CCDC90B: variants seen among roughly 807,000 people sequenced by gnomAD.
CCDC90B encodes the protein coiled-coil domain containing 90B, also known as coiled-coil domain-containing protein 90B, mitochondrial.
CCDC90B carries 24 observed loss-of-function variants against 37.0 expected under a neutral mutation model. The observed-to-expected ratio is 0.65, with a 90% CI of 0.47 to 0.91. The LOEUF is 0.91. CCDC90B is among the 40% of genes least tolerant of loss of function. The pLI, the probability that CCDC90B is intolerant of heterozygous loss-of-function variation, is 0.00. For missense variants in CCDC90B, 319 were observed against 299.0 expected, an observed-to-expected ratio of 1.07 and a Z score of -0.49; for synonymous variants, 113 against 101.1, an observed-to-expected ratio of 1.12 and a Z score of -0.71.
At chr11:83,265,769 G>T in intron 8 of CCDC90B, 96 bp downstream of exon 8, 1 of 708,486 alleles carries the variant, frequency 1.4e-6, no homozygotes, top group South Asian at 1.8e-5. Flanking sequence ...TTGTTATCTA[G>T]CTCCTCCTTT....
At chr11:83,282,169 A>G (rs1298636567) in intron 1 of CCDC90B, among the ~76,000 whole-genome samples, 4 of 152,144 alleles carry the variant, frequency 2.6e-5, no homozygotes, top group African/African-American at 9.7e-5. Flanking sequence ...AAACCCAAAA[A>G]CCCTGGCAAT....
intron 1 of CCDC90B, among the ~76,000 whole-genome samples, chr11:83,284,716 T>G (rs188782472): frequency 6.6e-6 from 1 of 152,262 alleles, no homozygotes; most frequent in Admixed American, 6.5e-5. Context: ...GTGGGATAAC[T>G]TTTATGTTAA....
intron 7 of CCDC90B, among the ~76,000 whole-genome samples, chr11:83,272,265 A>T (rs111460592): frequency 0.012 from 1,787 of 152,214 alleles, 35 homozygotes; most frequent in African/African-American, 0.041. Flanking sequence ...ATTTTTTTTT[A>T]AAAACACTAT....
Position 83,261,176 on chromosome 11 carries a change from C to G in CCDC90B, c.*735G>C, listed in dbSNP as rs1352484846. On this transcript the variant is annotated 3_prime_UTR_variant, in exon 9 of 9. Coordinates refer to ENST00000529689, the MANE Select transcript of CCDC90B (RefSeq NM_021825.5). ...CTATCTCGGCTCACTGCAAGATTCT[C>G]CTGCCTCAGCCTCCCGAGTAGCTGG... 6.6e-6 allele frequency: 1 copy of G among 152,188 alleles called. No individual in the cohort carries two copies. Among genetic ancestry groups the G allele is most frequent in the African/African-American group, 2.4e-5 (1 of 41,424 alleles). The allele number at this position is 152,188 out of a possible 1,614,324, so 9.4% of individuals were successfully genotyped here.
intron 7 of CCDC90B, among the ~76,000 whole-genome samples, chr11:83,270,329 G>C (rs760018526): frequency 3.4e-4 from 51 of 151,972 alleles, no homozygotes; most frequent in African/African-American, 2.4e-4. Flanking sequence ...AGAAATAAAG[G>C]GTATTCAATT....
At position 83,280,143 on chromosome 11, in the gene CCDC90B, T is replaced by C; in HGVS notation, c.218A>G (p.His73Arg). 6.2e-7 allele frequency: 1 copy of C among 1,609,860 alleles called. No homozygotes were observed. Among genetic ancestry groups the C allele is most frequent in the East Asian group, 2.2e-5 (1 of 44,762 alleles). The change falls in exon 2 of 9, where the codon CAT (histidine) becomes CGT (arginine). Residue 73 changes from histidine to arginine, a missense_variant and splice_region_variant. Coordinates refer to ENST00000529689, the MANE Select transcript of CCDC90B (RefSeq NM_021825.5). ...CAGGAGGTATCCATGTTTCTCACCA[T>C]GAGTTTCCAAGTCCTGAACCAATGC... ...THALVQDLET[H>R]GFDKTQAETI...
chr11:83,278,923 T>C, intron 2 of CCDC90B, 94 bp from the exon 3 acceptor site: 1 of 662,010 alleles, frequency 1.5e-6, no homozygotes, highest in East Asian at 2.8e-5. Flanking sequence ...TAAATTGTTA[T>C]ACTCTTTTAA....
At position 83,280,172 on chromosome 11, in the gene CCDC90B, G is replaced by T; in HGVS notation, c.189C>A (p.Thr63=). The stretch of plus-strand genomic sequence containing the variant: ...TTTCCAAGTCCTGAACCAATGCATG[G>T]GTATCAAAAGTTAATTTCCTTTGTT... ...PLEQRKLTFD[T]HALVQDLETH... The change falls in exon 2 of 9, where the codon ACC becomes ACA. Residue 63 remains threonine, a synonymous_variant. Transcript: ENST00000529689. The T allele has an allele frequency of 6.2e-7, 1 of 1,612,460 alleles. No homozygotes were observed. The highest frequency in any genetic ancestry group is 1.1e-5 in the South Asian group (1 of 90,986).
Position 83,259,750 on chromosome 11 carries a change from G to T in CCDC90B, c.*2161C>A, listed in dbSNP as rs492710. ...GATCATGGTACACTTTAGCCTTGAT[G>T]AACTCCTTGGCTCAAGCAATCCTGC... On this transcript the variant is annotated 3_prime_UTR_variant, in exon 9 of 9. Coordinates refer to ENST00000529689, the MANE Select transcript of CCDC90B (RefSeq NM_021825.5). 37,910 of 152,054 alleles carry T rather than the reference G, an allele frequency of 0.25. 5,731 individuals are homozygous for T. The highest frequency in any genetic ancestry group is 0.34 in the Non-Finnish European group (23,342 of 67,990). The allele number at this position is 152,054 out of a possible 1,614,324, so 9.4% of individuals were successfully genotyped here.
chr11:83,280,177 CAA>C lies in CCDC90B; in HGVS notation c.182_183del (p.Phe61Ter), dbSNP rs749481342. 6.2e-7 allele frequency: 1 copy of C among 1,612,866 alleles called. No individual in the cohort carries two copies. The highest frequency in any genetic ancestry group is 2.2e-5 in the East Asian group (1 of 44,804). The part of the protein sequence containing the change: ...ITPLEQRKLT[F>X]DTHALVQDLE... ...AAGTCCTGAACCAATGCATGGGTAT[CAA>C]AAGTTAATTTCCTTTGTTCTAAAGG... On this transcript the variant is annotated frameshift_variant, in exon 2 of 9. Transcript: ENST00000529689. LOFTEE classifies it high-confidence loss of function.
chr11:83,276,384 G>A (rs534062048), intron 3 of CCDC90B, among the ~76,000 whole-genome samples: 1 of 152,300 alleles, frequency 6.6e-6, no homozygotes, highest in South Asian at 2.1e-4. Context: ...GCCTTGCTCT[G>A]TCACTCAGGC....
At chr11:83,267,203 C>T (rs1864335151) in intron 7 of CCDC90B, 1 of 152,066 alleles carries the variant, frequency 6.6e-6, no homozygotes, top group African/African-American at 2.4e-5. Flanking sequence ...AGTGCCTCTT[C>T]TCCTCCAGAG....
intron 7 of CCDC90B, chr11:83,267,446 G>A (rs1864353908): frequency 6.6e-6 from 1 of 152,196 alleles, no homozygotes; most frequent in Non-Finnish European, 1.5e-5. Flanking sequence ...TGAAAACCAT[G>A]GCACGAGAAC....
chr11:83,264,588 T>C (rs183365821), intron 8 of CCDC90B, among the ~76,000 whole-genome samples: 105 of 152,316 alleles, frequency 6.9e-4, no homozygotes, highest in African/African-American at 2.5e-3. Context: ...GGCTTCCCTT[T>C]GAGGGTAACC....
chr11:83,285,752 G>C lies in CCDC90B; in HGVS notation c.100+121C>G. On this transcript the variant is annotated intron_variant, in intron 1 of 8. Transcript: ENST00000529689. ...AGGCAGCGGCGTCGCCCAGCACAAG[G>C]CGTGAATCCGGGAGGAGGGCGTGGC... 3 of 1,469,674 alleles carry C rather than the reference G, an allele frequency of 2.0e-6. No individual in the cohort carries two copies. The South Asian group carries it at 4.1e-5, about 20-fold the overall frequency. 91.0% of individuals were successfully genotyped at this position (1,469,674 alleles called of 1,614,324 possible). A position where few individuals can be genotyped will look rare whatever the true frequency, so the allele number is the denominator to read the frequency against.
chr11:83,274,884 A>G, intron 3 of CCDC90B, 144 bp from the exon 4 acceptor site: 1 of 468,792 alleles, frequency 2.1e-6, no homozygotes, highest in Non-Finnish European at 3.8e-6. Context: ...AAACCTACAT[A>G]TCTGAAATAT....
In CCDC90B at chr11:83,260,051, T is replaced by C. The variant is rs1325665548; in HGVS notation, c.*1860A>G. Reference sequence around the variant, plus strand: ...TGGGCTAATTGCACCTTGTTTCTCCTTCCAGATTTACAATTGGGCAAGTCA... The same window carrying C: ...TGGGCTAATTGCACCTTGTTTCTCCCTCCAGATTTACAATTGGGCAAGTCA... On this transcript the variant is annotated 3_prime_UTR_variant, in exon 9 of 9. Transcript: ENST00000529689. 6.6e-6 allele frequency: 1 copy of C among 152,274 alleles called. No homozygotes were observed. The highest frequency in any genetic ancestry group is 2.4e-5 in the African/African-American group (1 of 41,464). The allele number at this position is 152,274 out of a possible 1,614,324, so 9.4% of individuals were successfully genotyped here.
At chr11:83,269,247 CAATA>C in intron 7 of CCDC90B, among the ~76,000 whole-genome samples, 1 of 151,958 alleles carries the variant, frequency 6.6e-6, no homozygotes, top group East Asian at 1.9e-4. Context: ...TAGCAGAAGG[CAATA>C]AATAACTTCT....
intron 7 of CCDC90B, 135 bp from the exon 8 acceptor site, chr11:83,266,114 G>A: frequency 1.8e-6 from 1 of 548,222 alleles, no homozygotes; most frequent in South Asian, 2.3e-5. Context: ...TAAAAGCATA[G>A]TGGTGTAAAA....
Sources: gnomAD v4.1 joint callset for allele counts (sites outside exome capture counted in the v4.1 genomes callset) on GRCh38, gnomAD v4.1.1 for gene constraint, MANE v1.5 for transcripts, NCBI Gene and HGNC (gene_info 2026-07-23, HGNC 2026-07-21) for gene names.